Variants in KCNQ1 observed in about 807,000 individuals in gnomAD.
The protein encoded by KCNQ1 is potassium voltage-gated channel subfamily KQT member 1.
KCNQ1 carries 49 observed loss-of-function variants against 72.4 expected under a neutral mutation model. The ratio of observed to expected loss-of-function variants is 0.68; its 90% confidence interval spans 0.54 to 0.86. KCNQ1 has a LOEUF of 0.86. KCNQ1 is among the 40% of genes least tolerant of loss of function. The pLI is 0.00. For missense variants in KCNQ1, 790 were observed against 945.1 expected, an observed-to-expected ratio of 0.84 and a Z score of 2.15; for synonymous variants, 450 against 412.6, an observed-to-expected ratio of 1.09 and a Z score of -1.10.
chr11:2,817,226 A>T lies in KCNQ1; in HGVS notation c.1795-30541A>T, dbSNP rs2134049208. Reference sequence around the variant, plus strand: ...CCAGTGCGCTTGCCTTTGACATGAAAATGTTTTTGCAGCAGGCTCGGATGC... The same window carrying T: ...CCAGTGCGCTTGCCTTTGACATGAATATGTTTTTGCAGCAGGCTCGGATGC... On this transcript the variant is annotated intron_variant, in intron 15 of 15. Transcript: ENST00000155840. The surrounding 1 kb of genome is among the most constrained non-coding windows in gnomAD (Gnocchi z 6.1). Among the ~76,000 whole-genome samples, 1 of 152,304 alleles carries T rather than the reference A, an allele frequency of 6.6e-6. No homozygotes were observed. The highest frequency in any genetic ancestry group is 1.5e-5 in the Non-Finnish European group (1 of 68,028).
chr11:2,454,608 A>G (rs1177033584), intron 1 of KCNQ1, among the ~76,000 whole-genome samples: 1 of 152,246 alleles, frequency 6.6e-6, no homozygotes, highest in Non-Finnish European at 1.5e-5. Flanking sequence ...TTGTGTTGGT[A>G]TCACCAAGAA....
At position 2,783,577 on chromosome 11, in the gene KCNQ1, C is replaced by T. The variant is rs1379369229; in HGVS notation, c.1794+5540C>T. Among the ~76,000 whole-genome samples, 1 of 152,066 alleles carries T rather than the reference C, an allele frequency of 6.6e-6. No individual in the cohort carries two copies. Among genetic ancestry groups the T allele is most frequent in the Non-Finnish European group, 1.5e-5 (1 of 67,918 alleles). The stretch of plus-strand genomic sequence containing the variant: ...AATTTCTGTTTAACTTTCTAAGAAA[C>T]TTCTAAACTGTTTCCAAAGGATTTA... On this transcript the variant is annotated intron_variant, in intron 15 of 15. Transcript: ENST00000155840. This position sits in a 1 kb window ranked among gnomAD's most constrained non-coding sequence, Gnocchi z 5.2.
intron 11 of KCNQ1, chr11:2,700,054 C>A: frequency 2.5e-6 from 1 of 398,146 alleles, no homozygotes; most frequent in South Asian, 1.3e-4. Flanking sequence ...GCGACCGCCC[C>A]CCACCTGCTG....
rs546455437 is a variant in KCNQ1, at chr11:2,711,530, G to A, written c.1514+49449G>A. Among the ~76,000 whole-genome samples, 1 of 152,196 alleles carries A rather than the reference G, an allele frequency of 6.6e-6. No individual in the cohort carries two copies. The highest frequency in any genetic ancestry group is 2.1e-4 in the South Asian group (1 of 4,820). ...GCTTGTGGAATCTTCTCAACCTTGG[G>A]TGTCGCCTGCCCAGAACGGGGCTCT... is the stretch of plus-strand genomic sequence containing the variant. On this transcript the variant is annotated intron_variant, in intron 11 of 15. Coordinates refer to ENST00000155840, the MANE Select transcript of KCNQ1 (RefSeq NM_000218.3). This position sits in a 1 kb window ranked among gnomAD's most constrained non-coding sequence, Gnocchi z 5.4.
chr11:2,818,350 G>C lies in KCNQ1; in HGVS notation c.1795-29417G>C, dbSNP rs375194443. ...TGAGCATGTACACAGGCTGCAGCCC[G>C]TGTTCCTGGAGCCACCGTCCCAGGT... On this transcript the variant is annotated intron_variant, in intron 15 of 15. Coordinates refer to ENST00000155840, the MANE Select transcript of KCNQ1 (RefSeq NM_000218.3). This position sits in a 1 kb window ranked among gnomAD's most constrained non-coding sequence, Gnocchi z 7.2. Among the ~76,000 whole-genome samples the C allele has an allele frequency of 5.3e-5, 8 of 152,296 alleles. No individual in the cohort carries two copies. In the South Asian group the frequency reaches 8.3e-4, roughly 16 times the overall value.
At chr11:2,531,086 T>C (rs954150537) in intron 2 of KCNQ1, among the ~76,000 whole-genome samples, 1 of 152,180 alleles carries the variant, frequency 6.6e-6, no homozygotes, top group African/African-American at 2.4e-5. Flanking sequence ...AGGTCCTCAC[T>C]TCCTAGGTGG....
At chr11:2,832,650 C>A (rs1020475225) in intron 15 of KCNQ1, among the ~76,000 whole-genome samples, 2 of 152,220 alleles carry the variant, frequency 1.3e-5, no homozygotes, top group Non-Finnish European at 2.9e-5. Context: ...CTCAGGTCTG[C>A]CCGCCTCCCC....
rs1564849113 is a variant in KCNQ1, at chr11:2,662,011, A to G, written c.1444A>G (p.Thr482Ala). 6.2e-7 allele frequency: 1 copy of G among 1,614,150 alleles called. No individual in the cohort carries two copies. The highest frequency in any genetic ancestry group is 1.1e-5 in the South Asian group (1 of 91,078). The change falls in exon 11 of 16, where the codon ACC (threonine) becomes GCC (alanine). Residue 482 changes from threonine to alanine, a missense_variant. Physicochemically the swap from Thr to Ala is moderately conservative, Grantham distance 58. Transcript: ENST00000155840. ...AGTGAGCATGCCCCATTTCATGAGA[A>G]CCAACAGCTTCGCCGAGGACCTGGA... Reference protein sequence around the residue: ...LEVSMPHFMRTNSFAEDLDLE... With the variant: ...LEVSMPHFMRANSFAEDLDLE...
chr11:2,489,604 CA>C (rs1399045620), intron 1 of KCNQ1, among the ~76,000 whole-genome samples: 2 of 152,182 alleles, frequency 1.3e-5, no homozygotes, highest in Admixed American at 6.5e-5. Context: ...CTCACAGAAA[CA>C]AAAGTGACTC....
rs1330617685 is a variant in KCNQ1, at chr11:2,567,500, G to A, written c.478-3128G>A. On this transcript the variant is annotated intron_variant, in intron 2 of 15. Transcript: ENST00000155840. This position sits in a 1 kb window ranked among gnomAD's most constrained non-coding sequence, Gnocchi z 6.6. The stretch of plus-strand genomic sequence containing the variant: ...GGGGTCTTGCTGTGGCCTTGGCCCT[G>A]GGTGTTGTCCCACACAGCCCAGGAG... Among the ~76,000 whole-genome samples, 2 of 152,180 alleles carry A rather than the reference G, an allele frequency of 1.3e-5. No individual in the cohort carries two copies. The highest frequency in any genetic ancestry group is 2.4e-5 in the African/African-American group (1 of 41,430).
Position 2,848,109 on chromosome 11 carries a change from G to A in KCNQ1, c.*106G>A, listed in dbSNP as rs746594325. 1.2e-4 allele frequency: 117 copies of A among 959,094 alleles called. No individual in the cohort carries two copies. In the African/African-American group the frequency reaches 1.7e-3, roughly 14 times the overall value. The allele number at this position is 959,094 out of a possible 1,614,324, so 59.4% of individuals were successfully genotyped here. A position where few individuals can be genotyped will look rare whatever the true frequency, so the allele number is the denominator to read the frequency against. On this transcript the variant is annotated 3_prime_UTR_variant, in exon 16 of 16. Coordinates refer to ENST00000155840, the MANE Select transcript of KCNQ1 (RefSeq NM_000218.3). ...CACCTCCTAAAAGGCCCAGAGAGAA[G>A]AGCCCCACTCTCAGAGGCCCCAATA... is the stretch of plus-strand genomic sequence containing the variant.
intron 10 of KCNQ1, chr11:2,655,404 G>C (rs1370155414): frequency 5.0e-6 from 2 of 398,574 alleles, no homozygotes; most frequent in Admixed American, 4.4e-5. Flanking sequence ...CCAGGATGCT[G>C]TGCTCTTTGT....
In KCNQ1 at chr11:2,519,853, G is replaced by A. The variant is rs1029871683; in HGVS notation, c.387-8075G>A. On this transcript the variant is annotated intron_variant, in intron 1 of 15. Coordinates refer to ENST00000155840, the MANE Select transcript of KCNQ1 (RefSeq NM_000218.3). The stretch of plus-strand genomic sequence containing the variant: ...TAGAAAACACCCCTTTGCAGCTGAG[G>A]CTGAGGGTCCCGAGAGGCGTGATTG... Among the ~76,000 whole-genome samples the A allele has an allele frequency of 2.0e-5, 3 of 152,226 alleles. No homozygotes were observed. In the South Asian group the frequency reaches 6.2e-4, roughly 32 times the overall value.
intron 6 of KCNQ1, 66 bp downstream of exon 6, chr11:2,573,052 G>A: frequency 1.3e-6 from 2 of 1,564,550 alleles, no homozygotes; most frequent in Non-Finnish European, 1.7e-6. Flanking sequence ...CAGGACATCT[G>A]GGCACTGGTG....
Position 2,673,197 on chromosome 11 carries a change from C to T in KCNQ1, c.1514+11116C>T, listed in dbSNP as rs1450636094. On this transcript the variant is annotated intron_variant, in intron 11 of 15. Coordinates refer to ENST00000155840, the MANE Select transcript of KCNQ1 (RefSeq NM_000218.3). The surrounding 1 kb of genome is among the most constrained non-coding windows in gnomAD (Gnocchi z 4.5). ...GGGCCCTGGAGCCAAGGCCAAAAGC[C>T]GAACTGTGACTAGGCAAGCTGAGTC... 2.8e-5 allele frequency: 11 copies of T among 398,658 alleles called. No individual in the cohort carries two copies. Among genetic ancestry groups the T allele is most frequent in the South Asian group, 2.5e-4 (2 of 7,848 alleles). The allele number at this position is 398,658 out of a possible 1,614,324, so 24.7% of individuals were successfully genotyped here. A position where few individuals can be genotyped will look rare whatever the true frequency, so the allele number is the denominator to read the frequency against.
At position 2,661,623 on chromosome 11, in the gene KCNQ1, T is replaced by G. The variant is rs1849957891; in HGVS notation, c.1394-338T>G. The G allele has an allele frequency of 1.7e-6, 1 of 589,396 alleles. No individual in the cohort carries two copies. The highest frequency in any genetic ancestry group is 3.0e-6 in the Non-Finnish European group (1 of 331,010). 36.5% of individuals were successfully genotyped at this position (589,396 alleles called of 1,614,324 possible). On this transcript the variant is annotated intron_variant, in intron 10 of 15. Coordinates refer to ENST00000155840, the MANE Select transcript of KCNQ1 (RefSeq NM_000218.3). The surrounding 1 kb of genome is among the most constrained non-coding windows in gnomAD (Gnocchi z 5.9). ...AGGCCTGTGCCTGTCACCTCTGTTT[T>G]ATTCTTGACCCAAGTGTCAGTTGTG...
chr11:2,513,099 T>C (rs1847235928), intron 1 of KCNQ1, among the ~76,000 whole-genome samples: 1 of 152,000 alleles, frequency 6.6e-6, no homozygotes, highest in African/African-American at 2.4e-5. Context: ...GCCATGATGC[T>C]GTGCTGCGCT....
In KCNQ1 at chr11:2,536,822, T is replaced by A. The variant is rs542210352; in HGVS notation, c.477+8804T>A. Among the ~76,000 whole-genome samples the A allele has an allele frequency of 6.6e-6, 1 of 152,034 alleles. No individual in the cohort carries two copies. Among genetic ancestry groups the A allele is most frequent in the Non-Finnish European group, 1.5e-5 (1 of 68,022 alleles). ...GTCGCCCTCTCACAGCTCTGGACGA[T>A]GGAGGGCCGAGACCCAGGTGTGGGC... On this transcript the variant is annotated intron_variant, in intron 2 of 15. Transcript: ENST00000155840. This position sits in a 1 kb window ranked among gnomAD's most constrained non-coding sequence, Gnocchi z 7.4.
chr11:2,529,910 G>A (rs1202898098), intron 2 of KCNQ1, among the ~76,000 whole-genome samples: 1 of 152,118 alleles, frequency 6.6e-6, no homozygotes, highest in East Asian at 1.9e-4. Context: ...GTGGTTTTAC[G>A]GTGACCATGT....
Sources: allele counts gnomAD v4.1 joint callset (sites outside exome capture counted in the v4.1 genomes callset), GRCh38; gene constraint gnomAD v4.1.1; non-coding constraint Gnocchi (gnomAD v3.1); transcripts MANE v1.5; gene names NCBI Gene and HGNC (gene_info 2026-07-23, HGNC 2026-07-21).